Variants in GXYLT2 observed in about 807,000 individuals in gnomAD.
GXYLT2 encodes the protein glycosyltransferase 8 domain containing 4.
A neutral mutation model predicts 45.8 loss-of-function variants in GXYLT2; 53 were observed. The ratio of observed to expected loss-of-function variants is 1.16; its 90% CI spans 0.93 to 1.46. The LOEUF (loss-of-function observed/expected upper bound fraction) is 1.46, where lower values mean the gene tolerates loss of function less well. Among genes scored for constraint, GXYLT2 ranks in the 40% most tolerant of loss-of-function variants. GXYLT2 has a pLI of 0.00. For synonymous variants in GXYLT2, 219 were observed against 214.2 expected, an observed-to-expected ratio of 1.02 and a Z score of -0.19; for missense variants, 551 against 544.4, an observed-to-expected ratio of 1.01 and a Z score of -0.12.
intron 3 of GXYLT2, among the ~76,000 whole-genome samples, chr3:72,937,686 A>G (rs1207585537): frequency 6.6e-6 from 1 of 152,212 alleles, no homozygotes; most frequent in Non-Finnish European, 1.5e-5. Flanking sequence ...TTTCTCCTCT[A>G]CTTGTAGAAG....
At chr3:72,974,882 T>C in intron 6 of GXYLT2, 95 bp from the exon 7 acceptor site, 1 of 928,790 alleles carries the variant, frequency 1.1e-6, no homozygotes, top group East Asian at 2.5e-5. Flanking sequence ...GCCTGTGGGC[T>C]TATCGTAATT....
At chr3:72,957,940 C>A (rs986133960) in intron 5 of GXYLT2, among the ~76,000 whole-genome samples, 2 of 152,040 alleles carry the variant, frequency 1.3e-5, no homozygotes, top group South Asian at 2.1e-4. Context: ...TAATAAAATT[C>A]TTTTTTCCTC....
intron 3 of GXYLT2, among the ~76,000 whole-genome samples, chr3:72,954,264 C>T (rs1365566714): frequency 2.6e-5 from 4 of 151,958 alleles, no homozygotes; most frequent in Admixed American, 1.3e-4. Flanking sequence ...CACACCACCA[C>T]GCCCAGCTAA....
rs115667885 is a variant in GXYLT2 at position 72,955,121 on chromosome 3, A to C, written c.624A>C (p.Ser208=). 8.5e-4 allele frequency: 1,377 copies of C among 1,613,870 alleles called. 11 individuals carry two copies. In the African/African-American group the frequency reaches 0.017, roughly 19 times the overall value. The change falls in exon 4 of 7, where the codon TCA becomes TCC. Residue 208 remains serine, a synonymous_variant. Transcript: ENST00000389617. ...AGGTGATTTTAAAGGATGTGGACTC[A>C]CTTCTCTACGTGGACACCGATGTCC... ...FLPVILKDVD[S]LLYVDTDVLF...
intron 3 of GXYLT2, among the ~76,000 whole-genome samples, chr3:72,935,773 T>A (rs1160065209): frequency 6.6e-6 from 1 of 152,196 alleles, no homozygotes; most frequent in East Asian, 1.9e-4. Flanking sequence ...ACAAATTAAG[T>A]GTCTAGGTCG....
intron 5 of GXYLT2, among the ~76,000 whole-genome samples, chr3:72,960,749 TC>T (rs1395664739): frequency 6.6e-6 from 1 of 151,866 alleles, no homozygotes; most frequent in African/African-American, 2.4e-5. Context: ...AGGTTTCTCT[TC>T]ATGTATATTG....
At chr3:72,969,969 C>G (rs1222083166) in intron 6 of GXYLT2, among the ~76,000 whole-genome samples, 1 of 149,056 alleles carries the variant, frequency 6.7e-6, no homozygotes, top group Non-Finnish European at 1.5e-5. Context: ...GTAATCCCAG[C>G]ACTTCAAGAG....
chr3:72,905,048 G>A (rs111728694), intron 1 of GXYLT2, among the ~76,000 whole-genome samples: 400 of 111,364 alleles, frequency 3.6e-3, no homozygotes, highest in Middle Eastern at 0.021. Flanking sequence ...CTGGGCAACA[G>A]AGTGAGATTC....
chr3:72,935,330 C>T (rs1279476747), intron 3 of GXYLT2, among the ~76,000 whole-genome samples: 1 of 151,900 alleles, frequency 6.6e-6, no homozygotes, highest in Non-Finnish European at 1.5e-5. Context: ...AAAACAAAAA[C>T]TAAATAGAAG....
intron 3 of GXYLT2, among the ~76,000 whole-genome samples, chr3:72,944,763 C>T (rs1002079931): frequency 6.6e-6 from 1 of 152,040 alleles, no homozygotes; most frequent in South Asian, 2.1e-4. Context: ...ACAACTTTGT[C>T]TTTGCTTCTG....
intron 6 of GXYLT2, among the ~76,000 whole-genome samples, chr3:72,969,932 T>TAAAAAAA (rs1710955215): frequency 1.3e-5 from 1 of 74,694 alleles, no homozygotes; most frequent in Non-Finnish European, 3.1e-5. Context: ...CAAAAACATT[T>TAAAAAAA]AAGGCCCAGC....
At position 72,908,171 on chromosome 3, in the gene GXYLT2, T is replaced by C; in HGVS notation, c.276-196T>C. 5.4e-6 allele frequency: 3 copies of C among 552,862 alleles called. No individual in the cohort carries two copies. In the Admixed American group the frequency reaches 1.0e-4, roughly 19 times the overall value. The allele number at this position is 552,862 out of a possible 1,614,324, so 34.2% of individuals were successfully genotyped here. A position where few individuals can be genotyped will look rare whatever the true frequency, so the allele number is the denominator to read the frequency against. On this transcript the variant is annotated intron_variant, in intron 1 of 6. Transcript: ENST00000389617. The stretch of plus-strand genomic sequence containing the variant: ...TCCAAACAGTGACTCATCCTGCTAT[T>C]GCCAGGATAAATATGGGAATAAATG...
chr3:72,908,394 A>G lies in GXYLT2; in HGVS notation c.303A>G (p.Gln101=), dbSNP rs757020417. 2 of 1,611,414 alleles carry G rather than the reference A, an allele frequency of 1.2e-6. No homozygotes were observed. The highest frequency in any genetic ancestry group is 4.5e-5 in the East Asian group (2 of 44,862). ...GGCCTGGAGAACCCAGGAGTTTCCA[A>G]GCTGTGCTGCCACCCGAGCTCTGGA... ...ARRPGEPRSF[Q]AVLPPELWIH... The change falls in exon 2 of 7, where the codon CAA becomes CAG. Residue 101 remains glutamine (Q), a synonymous_variant. Coordinates refer to ENST00000389617, the MANE Select transcript of GXYLT2 (RefSeq NM_001080393.2).
intron 3 of GXYLT2, among the ~76,000 whole-genome samples, chr3:72,944,038 TTTCTGA>T: frequency 6.6e-6 from 1 of 152,268 alleles, no homozygotes; most frequent in South Asian, 2.1e-4. Context: ...AGACTGTGAC[TTTCTGA>T]TTCTGTATAG....
chr3:72,955,948 C>T (rs1422536303), intron 4 of GXYLT2, among the ~76,000 whole-genome samples: 1 of 152,154 alleles, frequency 6.6e-6, no homozygotes, highest in Non-Finnish European at 1.5e-5. Flanking sequence ...AATGATGGCG[C>T]ACACCTGTAG....
intron 3 of GXYLT2, among the ~76,000 whole-genome samples, chr3:72,953,155 G>A (rs535875941): frequency 6.6e-6 from 1 of 152,102 alleles, no homozygotes; most frequent in East Asian, 1.9e-4. Flanking sequence ...AGCCAGGAGT[G>A]GCTTTTACAT....
chr3:72,949,717 G>A (rs1190936867), intron 3 of GXYLT2, among the ~76,000 whole-genome samples: 5 of 151,824 alleles, frequency 3.3e-5, no homozygotes, highest in East Asian at 3.9e-4. Context: ...GTCTCACCAC[G>A]TTGGCCAGGA....
intron 3 of GXYLT2, among the ~76,000 whole-genome samples, chr3:72,942,049 A>G (rs984721620): frequency 6.6e-6 from 1 of 152,176 alleles, no homozygotes; most frequent in Non-Finnish European, 1.5e-5. Flanking sequence ...TTATGGTGCC[A>G]GAAGGTAAGG....
In GXYLT2 at chr3:72,888,067, T is replaced by TTCGCCG. The variant is rs1167090626; in HGVS notation, c.-160_-155dup. 35 of 222,822 alleles carry TTCGCCG rather than the reference T, an allele frequency of 1.6e-4. No homozygotes were observed. Among genetic ancestry groups the TTCGCCG allele is most frequent in the Non-Finnish European group, 2.2e-4 (29 of 134,618 alleles). The allele number at this position is 222,822 out of a possible 1,614,324, so 13.8% of individuals were successfully genotyped here. A position where few individuals can be genotyped will look rare whatever the true frequency, so the allele number is the denominator to read the frequency against. On this transcript the variant is annotated 5_prime_UTR_variant, in exon 1 of 7. Coordinates refer to ENST00000389617, the MANE Select transcript of GXYLT2 (RefSeq NM_001080393.2). ...CCTCCTCTCCTCTCTCTCCTCCTCC[T>TTCGCCG]TCGCCGTCGCCGCCGCCGCCGGCCG...
Sources: allele counts gnomAD v4.1 joint callset (sites outside exome capture counted in the v4.1 genomes callset), GRCh38; gene constraint gnomAD v4.1.1; transcripts MANE v1.5; gene names NCBI Gene and HGNC (gene_info 2026-07-23, HGNC 2026-07-21).